Variants in KRT17 observed in about 807,000 individuals in gnomAD.
KRT17 encodes keratin, type I cytoskeletal 17.
A neutral mutation model predicts 45.6 loss-of-function variants in KRT17; 29 were observed. The ratio of observed to expected loss-of-function variants is 0.64; its 90% CI spans 0.47 to 0.87. The LOEUF is 0.87. Among genes scored for constraint, KRT17 ranks in the 40% least tolerant of loss-of-function variants. The pLI, the probability that KRT17 is intolerant of heterozygous loss-of-function variation, is 0.00. For missense variants in KRT17, 536 were observed against 577.8 expected, an observed-to-expected ratio of 0.93 and a Z score of 0.74; for synonymous variants, 219 against 234.6, an observed-to-expected ratio of 0.93 and a Z score of 0.61.
chr17:41,619,609 G>A lies in KRT17; in HGVS notation c.1284C>T (p.His428=). The A allele has an allele frequency of 1.2e-6, 2 of 1,612,208 alleles. No homozygotes were observed. Among genetic ancestry groups the A allele is most frequent in the Non-Finnish European group, 1.7e-6 (2 of 1,180,006 alleles). ...GKVISSREQV[H]QTTR ...AGCTGAGTCCTCAGCGGGTGGTCTGGTGGACCTGCTCGCGGGAGGAGATGA... is the reference window on the plus strand; with the variant it reads ...AGCTGAGTCCTCAGCGGGTGGTCTGATGGACCTGCTCGCGGGAGGAGATGA... Residue 428 remains histidine, a synonymous_variant, in exon 8 of 8, where the codon CAC becomes CAT. Coordinates refer to ENST00000311208, the MANE Select transcript of KRT17 (RefSeq NM_000422.3).
rs571642107 is a variant in KRT17, at chr17:41,622,091, C to T, written c.672+264G>A. The T allele has an allele frequency of 5.0e-6, 3 of 601,782 alleles. No homozygotes were observed. In the Admixed American group the frequency reaches 9.0e-5, roughly 18 times the overall value. The allele number at this position is 601,782 out of a possible 1,614,324, so 37.3% of individuals were successfully genotyped here. On this transcript the variant is annotated intron_variant, in intron 3 of 7. Transcript: ENST00000311208. Reference sequence around the variant, plus strand: ...GATTTCCTTACTTATCCCCCACCCTCATGAGGGAGGCAGGGTAGGTAGAGG... The same window carrying T: ...GATTTCCTTACTTATCCCCCACCCTTATGAGGGAGGCAGGGTAGGTAGAGG...
At chr17:41,622,112 A>C (rs1246729097) in intron 3 of KRT17, 3 of 612,902 alleles carry the variant, frequency 4.9e-6, no homozygotes, top group Non-Finnish European at 8.8e-6. Flanking sequence ...CAGGGTAGGT[A>C]GAGGGAGCCT....
chr17:41,622,004 T>G, intron 3 of KRT17: 1 of 603,882 alleles, frequency 1.7e-6, no homozygotes, highest in Non-Finnish European at 3.0e-6. Flanking sequence ...CCCCCAAAAG[T>G]TCCCCTCTAA....
rs1294947365 is a variant in KRT17, at chr17:41,624,371, C to T, written c.139G>A (p.Gly47Ser). ...CTACCCCCGAGGGTGCTGCCCAGGC[C>T]GCCAGCAGATCCCAGCCTGCAGGAG... is the stretch of plus-strand genomic sequence containing the variant. ...AGSCRLGSAG[G>S]LGSTLGGSSY... Residue 47 changes from glycine (G) to serine (S), a missense_variant, in exon 1 of 8, where the codon GGC (glycine) becomes AGC (serine). Gly to Ser is a moderately conservative substitution (Grantham distance 56). Coordinates refer to ENST00000311208, the MANE Select transcript of KRT17 (RefSeq NM_000422.3). 9.9e-6 allele frequency: 16 copies of T among 1,610,966 alleles called. No homozygotes were observed. The highest frequency in any genetic ancestry group is 3.3e-5 in the Admixed American group (2 of 60,000).
At chr17:41,620,581 G>C (rs1258859377) in intron 6 of KRT17, 23 bp from the exon 7 acceptor site, 3 of 1,610,580 alleles carry the variant, frequency 1.9e-6, no homozygotes, top group Non-Finnish European at 8.5e-7. Flanking sequence ...AAAAAACAGA[G>C]AGGAAATTAG....
chr17:41,623,046 A>G lies in KRT17; in HGVS notation c.433-14T>C. The G allele has an allele frequency of 6.2e-7, 1 of 1,605,238 alleles. No homozygotes were observed. The highest frequency in any genetic ancestry group is 2.2e-5 in the East Asian group (1 of 44,806). On this transcript the variant is annotated splice_polypyrimidine_tract_variant and intron_variant, in intron 1 of 7. Coordinates refer to ENST00000311208, the MANE Select transcript of KRT17 (RefSeq NM_000422.3). ...GGCTGTGAGGATCTGAGGAGAAGGGAGAGTAGTCAGGTCATTGGATGGGGG... is the reference window on the plus strand; with the variant it reads ...GGCTGTGAGGATCTGAGGAGAAGGGGGAGTAGTCAGGTCATTGGATGGGGG...
rs141781644 is a variant in KRT17 at position 41,622,421 on chromosome 17, G to A, written c.606C>T (p.Ala202=). 538 of 1,614,092 alleles carry A rather than the reference G, an allele frequency of 3.3e-4. No individual in the cohort carries two copies. The highest frequency in any genetic ancestry group is 9.8e-4 in the South Asian group (89 of 91,074). ...GGTTCTCAATCTGCATCTCCAGGTC[G>A]GCTCTGGCCAGGGTCAGCTCATCCA... The part of the protein sequence containing the change: ...RVLDELTLAR[A]DLEMQIENLK... Residue 202 remains alanine, a synonymous_variant, in exon 3 of 8, where the codon GCC becomes GCT. Transcript: ENST00000311208.
intron 4 of KRT17, among the ~76,000 whole-genome samples, 177 bp from the exon 5 acceptor site, chr17:41,621,268 G>A (rs1908533354): frequency 6.6e-6 from 1 of 152,246 alleles, no homozygotes; most frequent in African/African-American, 2.4e-5. Flanking sequence ...GCGTGTGGGA[G>A]GCACAGACCG....
intron 3 of KRT17, 46 bp downstream of exon 3, chr17:41,622,309 C>A (rs762660461): frequency 1.2e-6 from 2 of 1,610,350 alleles, no homozygotes; most frequent in East Asian, 4.5e-5. Context: ...CAGGGCTCTG[C>A]CACCCACTCC....
rs561972274 is a variant in KRT17, at chr17:41,621,761, A to G, written c.673-7T>C. On this transcript the variant is annotated splice_polypyrimidine_tract_variant and splice_region_variant and intron_variant, in intron 3 of 7. Coordinates refer to ENST00000311208, the MANE Select transcript of KRT17 (RefSeq NM_000422.3). Reference sequence around the variant, plus strand: ...CTCGCAGGGCGTTCATCTCCTATGGAAAAAGGGGATGTGGATGTGCGCATC... The same window carrying G: ...CTCGCAGGGCGTTCATCTCCTATGGGAAAAGGGGATGTGGATGTGCGCATC... 1.9e-5 allele frequency: 30 copies of G among 1,611,878 alleles called. No homozygotes were observed. Among genetic ancestry groups the G allele is most frequent in the Middle Eastern group, 4.5e-4 (2 of 4,444 alleles).
chr17:41,624,445 C>T lies in KRT17; in HGVS notation c.65G>A (p.Gly22Asp), dbSNP rs759780535. Residue 22 changes from glycine to aspartate, a missense_variant, in exon 1 of 8, where the codon GGC becomes GAC. Coordinates refer to ENST00000311208, the MANE Select transcript of KRT17 (RefSeq NM_000422.3). ...CCGGCAGGAGGTGCGGGACGAGCCG[C>T]CCCCCAGGCCGGAGGAGCCCTTGAT... ...SSIKGSSGLG[G>D]GSSRTSCRLS... 5 of 1,609,906 alleles carry T rather than the reference C, an allele frequency of 3.1e-6. No homozygotes were observed. Among genetic ancestry groups the T allele is most frequent in the South Asian group, 1.1e-5 (1 of 90,922 alleles).
At chr17:41,623,983 A>C (rs1031359196) in intron 1 of KRT17, 95 bp downstream of exon 1, 2 of 1,575,632 alleles carry the variant, frequency 1.3e-6, no homozygotes, top group Non-Finnish European at 1.7e-6. Flanking sequence ...TGGCTCCCTG[A>C]GACCCTATGG....
intron 1 of KRT17, among the ~76,000 whole-genome samples, 154 bp downstream of exon 1, chr17:41,623,924 G>A (rs1368967881): frequency 6.6e-6 from 1 of 152,220 alleles, no homozygotes; most frequent in Non-Finnish European, 1.5e-5. Context: ...GAGCCACACA[G>A]GGGCCCCAAG....
chr17:41,620,491 T>C, intron 7 of KRT17, 45 bp downstream of exon 7: 2 of 1,611,594 alleles, frequency 1.2e-6, no homozygotes, highest in Non-Finnish European at 1.7e-6. Flanking sequence ...GGGCTGCCTG[T>C]CCCATGCACC....
intron 2 of KRT17, 168 bp downstream of exon 2, chr17:41,622,782 T>C: frequency 1.4e-6 from 1 of 724,924 alleles, no homozygotes; most frequent in Non-Finnish European, 2.5e-6. Context: ...CCTTCAGAAC[T>C]GGCTGCCTTC....
chr17:41,620,509 C>A, intron 7 of KRT17, 27 bp downstream of exon 7: 1 of 1,611,948 alleles, frequency 6.2e-7, no homozygotes, highest in Non-Finnish European at 8.5e-7. Flanking sequence ...ACCCAACCCC[C>A]AGGGCCGAAG....
In KRT17 at chr17:41,622,527, G is replaced by A; in HGVS notation, c.516-16C>T. 5 of 1,612,858 alleles carry A rather than the reference G, an allele frequency of 3.1e-6. No individual in the cohort carries two copies. Among genetic ancestry groups the A allele is most frequent in the Non-Finnish European group, 3.4e-6 (4 of 1,180,018 alleles). On this transcript the variant is annotated splice_polypyrimidine_tract_variant and intron_variant, in intron 2 of 7. Coordinates refer to ENST00000311208, the MANE Select transcript of KRT17 (RefSeq NM_000422.3). ...TGTCTCAAACCTGCCGTGGGAATCAGAGACTTCAGCCCAGGCTGCTTGGAC... is the reference window on the plus strand; with the variant it reads ...TGTCTCAAACCTGCCGTGGGAATCAAAGACTTCAGCCCAGGCTGCTTGGAC...
At position 41,619,574 on chromosome 17, in the gene KRT17, CG is replaced by C; in HGVS notation, c.*19del. 1 of 1,611,910 alleles carries C rather than the reference CG, an allele frequency of 6.2e-7. No individual in the cohort carries two copies. The highest frequency in any genetic ancestry group is 8.5e-7 in the Non-Finnish European group (1 of 1,179,890). On this transcript the variant is annotated 3_prime_UTR_variant, in exon 8 of 8. Coordinates refer to ENST00000311208, the MANE Select transcript of KRT17 (RefSeq NM_000422.3). ...GCTGCCTCCCTGCCTCCTGGGTGGC[CG>C]GCCGGGGTAGCTGAGTCCTCAGCGG...
At chr17:41,621,116 C>T (rs573785329) in intron 4 of KRT17, 25 bp from the exon 5 acceptor site, 80 of 1,613,114 alleles carry the variant, frequency 5.0e-5, no homozygotes, top group Admixed American at 1.3e-4. Context: ...CAGGACAGGG[C>T]GGTGTGAGCC....
Sources: allele counts gnomAD v4.1 joint callset (sites outside exome capture counted in the v4.1 genomes callset), GRCh38; gene constraint gnomAD v4.1.1; transcripts MANE v1.5; gene names NCBI Gene and HGNC (gene_info 2026-07-23, HGNC 2026-07-21).